The following CNTNAP2 variants were observed in gnomAD, a reference collection of about 807,000 sequenced individuals.
CNTNAP2 encodes the protein contactin associated protein 2.
CNTNAP2 carries 98 observed loss-of-function variants against 155.2 expected under a neutral mutation model. That is an observed-to-expected ratio of 0.63 (90% CI 0.54 to 0.75). CNTNAP2 has a LOEUF of 0.75. Ranked by LOEUF, CNTNAP2 falls within the 30% of genes least tolerant of loss-of-function variation. CNTNAP2 has a pLI of 0.00. For synonymous variants in CNTNAP2, 651 were observed against 631.2 expected, an observed-to-expected ratio of 1.03 and a Z score of -0.47; for missense variants, 1,727 against 1,688.1, an observed-to-expected ratio of 1.02 and a Z score of -0.40.
chr7:147,770,052 G>A lies in CNTNAP2; in HGVS notation c.2098+130746G>A, dbSNP rs141731722. Among the ~76,000 whole-genome samples, 234 of 152,322 alleles carry A rather than the reference G, an allele frequency of 1.5e-3. 6 individuals are homozygous for A. The East Asian group carries it at 0.028, about 18-fold the overall frequency. ...GTTCATTGTCCTTATGTGTGTGTGT[G>A]TGAGAGACACGATATACACCTGTCC... On this transcript the variant is annotated intron_variant, in intron 13 of 23. Transcript: ENST00000361727.
At chr7:146,791,715 A>T (rs570592729) in intron 2 of CNTNAP2, among the ~76,000 whole-genome samples, 1 of 152,226 alleles carries the variant, frequency 6.6e-6, no homozygotes, top group Non-Finnish European at 1.5e-5. Context: ...TCAGCAATTT[A>T]TCAATGAAAT....
intron 1 of CNTNAP2, among the ~76,000 whole-genome samples, chr7:146,345,047 T>C (rs1380242793): frequency 6.6e-6 from 1 of 152,170 alleles, no homozygotes; most frequent in Admixed American, 6.5e-5. Context: ...CTAATTGGAA[T>C]GGATTTAAAA....
intron 3 of CNTNAP2, among the ~76,000 whole-genome samples, chr7:146,923,194 AAG>A (rs1333372954): frequency 6.6e-6 from 1 of 152,182 alleles, no homozygotes; most frequent in Non-Finnish European, 1.5e-5. Context: ...TGAGAATTAA[AAG>A]AGAGGATGTT....
At chr7:146,623,295 G>A (rs903289078) in intron 1 of CNTNAP2, among the ~76,000 whole-genome samples, 2 of 152,020 alleles carry the variant, frequency 1.3e-5, no homozygotes, top group African/African-American at 2.4e-5. Context: ...GTTTTAAAGC[G>A]TTTTTCATAT....
chr7:146,346,809 T>G (rs561164987), intron 1 of CNTNAP2, among the ~76,000 whole-genome samples: 11 of 152,288 alleles, frequency 7.2e-5, no homozygotes, highest in African/African-American at 2.6e-4. Context: ...CACCCAAGTT[T>G]CATGGGAAAC....
chr7:146,720,961 T>TGC (rs1801280166), intron 1 of CNTNAP2, among the ~76,000 whole-genome samples: 2 of 125,002 alleles, frequency 1.6e-5, no homozygotes, highest in African/African-American at 7.9e-5. Flanking sequence ...TCTATATATA[T>TGC]ACAGTATATA....
intron 1 of CNTNAP2, among the ~76,000 whole-genome samples, chr7:146,695,860 G>A (rs1358953659): frequency 1.3e-5 from 2 of 152,132 alleles, no homozygotes; most frequent in Non-Finnish European, 2.9e-5. Flanking sequence ...ATCAGGTTTT[G>A]AATTTGAACC....
chr7:148,405,446 T>TTTTTTTTTTTTTTTTTTTTTGGGG, intron 22 of CNTNAP2, among the ~76,000 whole-genome samples: 1 of 70,142 alleles, frequency 1.4e-5, no homozygotes, highest in East Asian at 5.0e-4. Context: ...TTTTTTTTTT[T>TTTTTTTTTTTTTTTTTTTTTGGGG]GAGACGGAGT....
intron 1 of CNTNAP2, among the ~76,000 whole-genome samples, chr7:146,557,892 C>G (rs1798220157): frequency 6.6e-6 from 1 of 152,158 alleles, no homozygotes; most frequent in South Asian, 2.1e-4. Flanking sequence ...CCTGATCACA[C>G]TATCATCTCA....
At chr7:147,554,483 TG>T (rs1296745722) in intron 11 of CNTNAP2, among the ~76,000 whole-genome samples, 1 of 151,690 alleles carries the variant, frequency 6.6e-6, no homozygotes, top group Non-Finnish European at 1.5e-5. Context: ...AGAGTAGAAA[TG>T]AAATAATAAA....
At chr7:146,526,197 G>C (rs902851732) in intron 1 of CNTNAP2, among the ~76,000 whole-genome samples, 1 of 152,158 alleles carries the variant, frequency 6.6e-6, no homozygotes, top group Non-Finnish European at 1.5e-5. Flanking sequence ...TCTTTCTAAT[G>C]TGCATATATG....
intron 1 of CNTNAP2, among the ~76,000 whole-genome samples, chr7:146,736,909 A>G (rs564445186): frequency 6.6e-6 from 1 of 152,228 alleles, no homozygotes; most frequent in South Asian, 2.1e-4. Context: ...GAGATATATA[A>G]TTTTAAAATA....
chr7:146,372,370 A>C (rs1489861474), intron 1 of CNTNAP2, among the ~76,000 whole-genome samples: 2 of 152,156 alleles, frequency 1.3e-5, no homozygotes, highest in African/African-American at 2.4e-5. Flanking sequence ...AATGGACACA[A>C]AAAGATAACA....
intron 1 of CNTNAP2, among the ~76,000 whole-genome samples, chr7:146,547,845 G>GTT (rs386411578): frequency 0.61 from 90,072 of 147,742 alleles, 27,980 homozygotes; most frequent in African/African-American, 0.71. Flanking sequence ...CTTTATCATG[G>GTT]TTTTTTTTTT....
intron 2 of CNTNAP2, among the ~76,000 whole-genome samples, chr7:146,803,971 T>C (rs996777762): frequency 8.5e-5 from 13 of 152,230 alleles, no homozygotes; most frequent in Non-Finnish European, 1.8e-4. Flanking sequence ...TTTAATTCTT[T>C]GAGGCTAAAG....
At chr7:147,523,998 G>A (rs1425643990) in intron 11 of CNTNAP2, among the ~76,000 whole-genome samples, 1 of 152,098 alleles carries the variant, frequency 6.6e-6, no homozygotes, top group Non-Finnish European at 1.5e-5. Context: ...TGAGTCCGTT[G>A]ACATTGCTTA....
intron 1 of CNTNAP2, among the ~76,000 whole-genome samples, chr7:146,154,580 T>A (rs933168953): frequency 3.9e-5 from 6 of 152,188 alleles, no homozygotes; most frequent in African/African-American, 1.2e-4. Flanking sequence ...TTAGTTAGTT[T>A]GGTCTGACCC....
chr7:148,289,597 A>G (rs6947192), intron 21 of CNTNAP2, among the ~76,000 whole-genome samples: 60,686 of 151,818 alleles, frequency 0.4, 12,755 homozygotes, highest in East Asian at 0.67. Context: ...ACACACACAC[A>G]CACACCCCAT....
At chr7:146,656,862 TG>T (rs1800003637) in intron 1 of CNTNAP2, among the ~76,000 whole-genome samples, 1 of 152,216 alleles carries the variant, frequency 6.6e-6, no homozygotes, top group Non-Finnish European at 1.5e-5. Flanking sequence ...AAAAGTATTA[TG>T]GCTTATTATG....
Sources: gnomAD v4.1 joint callset for allele counts (sites outside exome capture counted in the v4.1 genomes callset) on GRCh38, gnomAD v4.1.1 for gene constraint, MANE v1.5 for transcripts, NCBI Gene and HGNC (gene_info 2026-07-23, HGNC 2026-07-21) for gene names.